SHKBP1: variants seen among roughly 807,000 people sequenced by gnomAD.
SHKBP1 encodes the protein SH3KBP1 binding protein 1.
In SHKBP1, 71 loss-of-function variants were observed where a neutral mutation model predicts 83.9. The ratio of observed to expected loss-of-function variants is 0.85; its 90% CI spans 0.70 to 1.03. SHKBP1 has a LOEUF of 1.03. Ranked by LOEUF, SHKBP1 falls within the 50% of genes least tolerant of loss-of-function variation. The probability of loss-of-function intolerance (pLI) is 0.00; values close to 1 mark genes in which losing one functional copy is unlikely to be tolerated. For synonymous variants in SHKBP1, 371 were observed against 398.0 expected, an observed-to-expected ratio of 0.93 and a Z score of 0.81; for missense variants, 824 against 982.4, an observed-to-expected ratio of 0.84 and a Z score of 2.16.
intron 6 of SHKBP1, 96 bp from the exon 7 acceptor site, chr19:40,580,228 C>G: frequency 7.1e-7 from 1 of 1,411,018 alleles, no homozygotes; most frequent in South Asian, 1.3e-5. Flanking sequence ...CTATGTCCCA[C>G]ACATGGGGAA....
At position 40,580,588 on chromosome 19, in the gene SHKBP1, G is replaced by GGCAC. The variant is rs998318211; in HGVS notation, c.586_587insCACG (p.Val196AlafsTer10). 6.2e-7 allele frequency: 1 copy of GGCAC among 1,614,214 alleles called. No homozygotes were observed. The highest frequency in any genetic ancestry group is 1.7e-5 in the Admixed American group (1 of 60,024). ...AAGGACAACCTGAGGAGCCGGGGAT[G>GGCAC]GTGCGCCTGGTGTGTGGACACCATA... is the stretch of plus-strand genomic sequence containing the variant. On this transcript the variant is annotated frameshift_variant, in exon 8 of 18. Transcript: ENST00000291842. LOFTEE classifies it high-confidence loss of function.
Position 40,580,793 on chromosome 19 carries a change from T to A in SHKBP1, c.701T>A (p.Leu234Gln). ...GWQLVFSSPRLDWPIERLALT... is the reference protein window; with the variant it reads ...GWQLVFSSPRQDWPIERLALT... ...CAGCTGGTGTTTTCCAGCCCCCGCC[T>A]GGACTGGCCCATCGAACGACTGGCG... The change falls in exon 9 of 18, where the codon CTG becomes CAG. Residue 234 changes from leucine to glutamine, a missense_variant. By Grantham distance (113) the Leu-to-Gln change is moderately radical (BLOSUM62 -2). This residue lies in a region of SHKBP1 where 355 missense variants were observed against 386.4 expected (regional missense o/e 0.92). Transcript: ENST00000291842. The A allele has an allele frequency of 6.2e-7, 1 of 1,612,302 alleles. No individual in the cohort carries two copies. The highest frequency in any genetic ancestry group is 8.5e-7 in the Non-Finnish European group (1 of 1,178,966).
intron 11 of SHKBP1, 35 bp from the exon 12 acceptor site, chr19:40,583,566 G>C (rs1184083721): frequency 1.2e-6 from 2 of 1,612,302 alleles, no homozygotes; most frequent in South Asian, 1.1e-5. Flanking sequence ...GGGGCACTTG[G>C]AACAAACCCG....
At position 40,590,332 on chromosome 19, in the gene SHKBP1, C is replaced by G. The variant is rs1335502626; in HGVS notation, c.1678C>G (p.Pro560Ala). The G allele has an allele frequency of 1.9e-6, 3 of 1,611,254 alleles. No homozygotes were observed. The highest frequency in any genetic ancestry group is 2.5e-6 in the Non-Finnish European group (3 of 1,179,116). ...GGGCTCCCGGCGGCTCGGCTCTCGG[C>G]CCCGGCGCTACCTGCTCACTGGCCA... ...CEGSRRLGSR[P>A]RRYLLTGQAN... Residue 560 changes from proline to alanine, a missense_variant, in exon 16 of 18, where the codon CCC becomes GCC. Around this residue, in one of 3 missense-constraint regions of SHKBP1, gnomAD observed 287 missense variants for 322.9 expected, o/e 0.89. Coordinates refer to ENST00000291842, the MANE Select transcript of SHKBP1 (RefSeq NM_138392.4). This position sits in a 1 kb window ranked among gnomAD's most constrained non-coding sequence, Gnocchi z 4.6.
At chr19:40,577,073 T>C in intron 1 of SHKBP1, 88 bp downstream of exon 1, 1 of 1,099,944 alleles carries the variant, frequency 9.1e-7, no homozygotes, top group East Asian at 3.1e-5. Context: ...TCCCTGTCCA[T>C]CAAGGGTTGC....
In SHKBP1 at chr19:40,591,025, C is replaced by T. The variant is rs754243787; in HGVS notation, c.1942C>T (p.Pro648Ser). 40 of 1,612,534 alleles carry T rather than the reference C, an allele frequency of 2.5e-5. No homozygotes were observed. The South Asian group carries it at 4.3e-4, about 17-fold the overall frequency. ...NTSLSGHRGS[P>S]SPPQAEARRR... is the part of the protein sequence containing the mutation. ...CTCCTTGTCTGGCCACCGTGGGAGCCCAAGCCCCCCGCAGGCTGAGGCCCG... is the reference window on the plus strand; with the variant it reads ...CTCCTTGTCTGGCCACCGTGGGAGCTCAAGCCCCCCGCAGGCTGAGGCCCG... Residue 648 changes from proline (P) to serine (S), a missense_variant, in exon 18 of 18, where the codon CCA (proline) becomes TCA (serine). Coordinates refer to ENST00000291842, the MANE Select transcript of SHKBP1 (RefSeq NM_138392.4).
intron 12 of SHKBP1, among the ~76,000 whole-genome samples, chr19:40,584,439 C>T (rs1163039011): frequency 6.6e-6 from 1 of 152,192 alleles, no homozygotes; most frequent in Non-Finnish European, 1.5e-5. Flanking sequence ...ACGTAATTCT[C>T]ATACCATAAA....
chr19:40,584,804 G>A (rs1021893730), intron 12 of SHKBP1, among the ~76,000 whole-genome samples: 2 of 152,152 alleles, frequency 1.3e-5, no homozygotes, highest in African/African-American at 4.8e-5. Flanking sequence ...TCTACTTTAA[G>A]TAGAGACTGG....
Position 40,590,244 on chromosome 19 carries a change from GGTGTGCTCC to G in SHKBP1, c.1594_1602del (p.Cys532_Val534del). ...CCACCTCCCCCACTGCACCCCCCAG[GGTGTGCTCC>G]GTGCGCTCCGTGGACGGCTCACCCA... On this transcript the variant is annotated inframe_deletion and splice_region_variant, in exon 16 of 18. Transcript: ENST00000291842. This position sits in a 1 kb window ranked among gnomAD's most constrained non-coding sequence, Gnocchi z 4.6. The G allele has an allele frequency of 3.2e-6, 5 of 1,582,312 alleles. No individual in the cohort carries two copies. In the South Asian group the frequency reaches 4.6e-5, roughly 14 times the overall value.
intron 5 of SHKBP1, 55 bp downstream of exon 5, chr19:40,578,267 T>C (rs2081238046): frequency 6.4e-7 from 1 of 1,562,832 alleles, no homozygotes; most frequent in Admixed American, 1.7e-5. Flanking sequence ...AACTCTGTGA[T>C]GCTACCTGCC....
Position 40,578,501 on chromosome 19 carries a change from C to A in SHKBP1, c.359C>A (p.Ser120Tyr). 6.2e-7 allele frequency: 1 copy of A among 1,614,170 alleles called. No individual in the cohort carries two copies. The highest frequency in any genetic ancestry group is 1.1e-5 in the South Asian group (1 of 91,084). The change falls in exon 6 of 18, where the codon TCT becomes TAT. Residue 120 changes from serine to tyrosine, a missense_variant. This residue lies in a region of SHKBP1 where 355 missense variants were observed against 386.4 expected (regional missense o/e 0.92). Transcript: ENST00000291842. Reference sequence around the variant, plus strand: ...CTTCGAGAGGAGTTGGATCGATCTTCTTGTGGAAACGTCCTCTTCAATGGT... The same window carrying A: ...CTTCGAGAGGAGTTGGATCGATCTTATTGTGGAAACGTCCTCTTCAATGGT... ...LQLREELDRSSCGNVLFNGYL... is the reference protein window; with the variant it reads ...LQLREELDRSYCGNVLFNGYL...
intron 6 of SHKBP1, 49 bp downstream of exon 6, chr19:40,578,591 A>G: frequency 6.5e-7 from 1 of 1,545,952 alleles, no homozygotes; most frequent in East Asian, 2.2e-5. Context: ...GCCAAAGACT[A>G]CATTTCCCAT....
At chr19:40,577,186 C>A in intron 1 of SHKBP1, 45 bp from the exon 2 acceptor site, 1 of 1,608,500 alleles carries the variant, frequency 6.2e-7, no homozygotes, top group Non-Finnish European at 8.5e-7. Flanking sequence ...GCATTCCTCA[C>A]CCGCTCCTCT....
At position 40,590,733 on chromosome 19, in the gene SHKBP1, G is replaced by A; in HGVS notation, c.1772G>A (p.Gly591Asp). 6.3e-7 allele frequency: 1 copy of A among 1,588,688 alleles called. No homozygotes were observed. The highest frequency in any genetic ancestry group is 8.6e-7 in the Non-Finnish European group (1 of 1,161,848). The change falls in exon 17 of 18, where the codon GGT becomes GAT. Residue 591 changes from glycine (G) to aspartate (D), a missense_variant. Gly to Asp is a moderately conservative substitution (Grantham distance 94). Coordinates refer to ENST00000291842, the MANE Select transcript of SHKBP1 (RefSeq NM_138392.4). The surrounding 1 kb of genome is among the most constrained non-coding windows in gnomAD (Gnocchi z 4.6). ...AMDGLGQAPA[G>D]GLTEQELMEQ... ...ACCCTGCTTCCGTGCCCCCCAGCAG[G>A]TGGCCTGACGGAGCAAGAGCTGATG...
At chr19:40,583,286 C>T in intron 10 of SHKBP1, 112 bp from the exon 11 acceptor site, 1 of 793,892 alleles carries the variant, frequency 1.3e-6, no homozygotes, top group Non-Finnish European at 2.0e-6. Flanking sequence ...GGCTGGGGAG[C>T]AGTGGGTGGG....
intron 10 of SHKBP1, among the ~76,000 whole-genome samples, chr19:40,583,075 G>A (rs1007158257): frequency 3.3e-5 from 5 of 152,118 alleles, no homozygotes; most frequent in African/African-American, 4.8e-5. Flanking sequence ...TTGGGAGGCC[G>A]AGGCAAGAGG....
chr19:40,584,066 C>G (rs2081292320), intron 12 of SHKBP1, among the ~76,000 whole-genome samples: 1 of 152,164 alleles, frequency 6.6e-6, no homozygotes, highest in Non-Finnish European at 1.5e-5. Flanking sequence ...GTCTTGAACT[C>G]CTGACCTCAG....
chr19:40,582,846 C>T (rs1169417806), intron 10 of SHKBP1, among the ~76,000 whole-genome samples: 1 of 151,222 alleles, frequency 6.6e-6, no homozygotes, highest in Admixed American at 6.6e-5. Context: ...GGGAGAAAGA[C>T]AGACAGAGGC....
chr19:40,588,570 G>T (rs2081329860), intron 13 of SHKBP1, 54 bp from the exon 14 acceptor site: 2 of 1,607,620 alleles, frequency 1.2e-6, no homozygotes, highest in African/African-American at 2.7e-5. Flanking sequence ...GGACGGGCAG[G>T]CAGCATTGAT....
Sources: gnomAD v4.1 joint callset for allele counts (sites outside exome capture counted in the v4.1 genomes callset) on GRCh38, gnomAD v4.1.1 for gene constraint, gnomAD v4.1.1 regional missense constraint, Gnocchi (gnomAD v3.1) non-coding constraint, MANE v1.5 for transcripts, NCBI Gene and HGNC (gene_info 2026-07-23, HGNC 2026-07-21) for gene names.